Variants in PLXDC2 observed in about 807,000 individuals in gnomAD.
PLXDC2 encodes the protein plexin domain containing 2.
A neutral mutation model predicts 68.9 loss-of-function variants in PLXDC2; 40 were observed. That is an observed-to-expected ratio of 0.58 (90% CI 0.45 to 0.76). The LOEUF (loss-of-function observed/expected upper bound fraction) is 0.76, where lower values mean the gene tolerates loss of function less well. Ranked by LOEUF, PLXDC2 falls within the 30% of genes least tolerant of loss-of-function variation. PLXDC2 has a pLI of 0.00. For synonymous variants in PLXDC2, 243 were observed against 234.2 expected (o/e 1.04, Z -0.34); for missense variants, 644 against 661.9 (o/e 0.97, Z 0.30).
intron 9 of PLXDC2, among the ~76,000 whole-genome samples, chr10:20,206,329 T>C (rs757110143): frequency 3.9e-5 from 6 of 152,152 alleles, no homozygotes; most frequent in African/African-American, 7.2e-5. Context: ...CAGCCAATTG[T>C]AGTATAATAG....
At chr10:19,866,884 T>C (rs1837426362) in intron 1 of PLXDC2, among the ~76,000 whole-genome samples, 1 of 152,128 alleles carries the variant, frequency 6.6e-6, no homozygotes, top group Admixed American at 6.6e-5. Context: ...AGGTCATTGG[T>C]AAGTTTAGAG....
chr10:20,274,558 C>T (rs1193006780), intron 13 of PLXDC2, among the ~76,000 whole-genome samples: 1 of 152,120 alleles, frequency 6.6e-6, no homozygotes, highest in African/African-American at 2.4e-5. Flanking sequence ...AACTTCCACA[C>T]CAGGAAGAAT....
At chr10:20,079,206 A>T (rs1330016717) in intron 4 of PLXDC2, among the ~76,000 whole-genome samples, 5 of 152,224 alleles carry the variant, frequency 3.3e-5, no homozygotes, top group African/African-American at 4.8e-5. Context: ...ATATGAACAG[A>T]TATTTCTCAA....
At chr10:19,993,319 A>G (rs1357449561) in intron 1 of PLXDC2, among the ~76,000 whole-genome samples, 1 of 151,284 alleles carries the variant, frequency 6.6e-6, no homozygotes, top group Non-Finnish European at 1.5e-5. Context: ...TATCATAATT[A>G]CACATAAAGT....
At chr10:20,082,845 C>T (rs1042810078) in intron 4 of PLXDC2, among the ~76,000 whole-genome samples, 30 of 152,018 alleles carry the variant, frequency 2.0e-4, no homozygotes, top group African/African-American at 7.3e-4. Flanking sequence ...GAGTAGAATA[C>T]TATGTGGCCT....
At chr10:20,129,262 T>C (rs1833832676) in intron 4 of PLXDC2, among the ~76,000 whole-genome samples, 1 of 152,114 alleles carries the variant, frequency 6.6e-6, no homozygotes, top group African/African-American at 2.4e-5. Context: ...ACCTATTGGG[T>C]ATTTGTGTGT....
At chr10:20,270,160 T>C (rs1835920198) in intron 13 of PLXDC2, among the ~76,000 whole-genome samples, 1 of 152,180 alleles carries the variant, frequency 6.6e-6, no homozygotes. Context: ...TGGTAGTCTA[T>C]ACGTGAAGTG....
At chr10:19,844,744 C>T (rs1025407625) in intron 1 of PLXDC2, among the ~76,000 whole-genome samples, 2 of 151,838 alleles carry the variant, frequency 1.3e-5, no homozygotes, top group Admixed American at 1.3e-4. Flanking sequence ...TACAGGCGCG[C>T]ATCACTACAC....
At chr10:20,038,178 G>C (rs1835614384) in intron 2 of PLXDC2, among the ~76,000 whole-genome samples, 1 of 151,966 alleles carries the variant, frequency 6.6e-6, no homozygotes, top group South Asian at 2.1e-4. Flanking sequence ...GGAGGTTGCA[G>C]TGAGCTGAGA....
At chr10:20,143,147 A>T in intron 4 of PLXDC2, 148 bp from the exon 5 acceptor site, 1 of 808,398 alleles carries the variant, frequency 1.2e-6, no homozygotes. Context: ...TGTTAATTAG[A>T]TACTAAGATA....
chr10:19,974,653 T>G (rs564018490), intron 1 of PLXDC2, among the ~76,000 whole-genome samples: 1 of 152,316 alleles, frequency 6.6e-6, no homozygotes, highest in Non-Finnish European at 1.5e-5. Context: ...CACAGTTAGC[T>G]GTAAATGCCC....
intron 1 of PLXDC2, among the ~76,000 whole-genome samples, chr10:19,920,717 C>G (rs1415821767): frequency 6.6e-6 from 1 of 152,128 alleles, no homozygotes; most frequent in Non-Finnish European, 1.5e-5. Flanking sequence ...ACCATCACAC[C>G]TAGATAATTT....
intron 4 of PLXDC2, among the ~76,000 whole-genome samples, chr10:20,118,701 A>G (rs1358103869): frequency 1.3e-5 from 2 of 152,210 alleles, no homozygotes; most frequent in Non-Finnish European, 2.9e-5. Flanking sequence ...TCAGACAGGG[A>G]AGAAAGGCAA....
intron 6 of PLXDC2, among the ~76,000 whole-genome samples, chr10:20,148,582 A>G (rs1834109487): frequency 6.6e-6 from 1 of 152,162 alleles, no homozygotes; most frequent in Admixed American, 6.5e-5. Context: ...TTGATTTCCA[A>G]CTCTTCTGAC....
chr10:20,193,051 C>A (rs772999232), intron 9 of PLXDC2, among the ~76,000 whole-genome samples: 111 of 152,012 alleles, frequency 7.3e-4, no homozygotes, highest in Non-Finnish European at 1.5e-3. Flanking sequence ...TTATATGGCC[C>A]CCTTCCCTAG....
chr10:19,939,819 C>G (rs935413442), intron 1 of PLXDC2, among the ~76,000 whole-genome samples: 1 of 149,752 alleles, frequency 6.7e-6, no homozygotes, highest in Admixed American at 6.6e-5. Flanking sequence ...TGTTGGATGA[C>G]ATGTGACAAA....
At chr10:19,999,211 G>A (rs1262690930) in intron 1 of PLXDC2, among the ~76,000 whole-genome samples, 1 of 152,080 alleles carries the variant, frequency 6.6e-6, no homozygotes, top group African/African-American at 2.4e-5. Flanking sequence ...GGGGAGGGAA[G>A]GTGCTAATGG....
intron 2 of PLXDC2, among the ~76,000 whole-genome samples, chr10:20,041,692 G>A (rs1835686162): frequency 6.6e-6 from 1 of 152,040 alleles, no homozygotes; most frequent in South Asian, 2.1e-4. Context: ...AACCAAAGAT[G>A]GCAGGCTAGG....
intron 1 of PLXDC2, among the ~76,000 whole-genome samples, chr10:19,863,947 G>A (rs577357339): frequency 6.6e-6 from 1 of 152,222 alleles, no homozygotes; most frequent in South Asian, 2.1e-4. Flanking sequence ...ACAACATACT[G>A]TTTTCTTAGG....
Sources: gnomAD v4.1 joint callset for allele counts (sites outside exome capture counted in the v4.1 genomes callset) on GRCh38, gnomAD v4.1.1 for gene constraint, MANE v1.5 for transcripts, NCBI Gene and HGNC (gene_info 2026-07-23, HGNC 2026-07-21) for gene names.